The following PCSK5 variants were observed in gnomAD, a reference collection of about 807,000 sequenced individuals.
PCSK5 encodes the protein prohormone convertase 5.
In PCSK5, 129 loss-of-function variants were observed where a neutral mutation model predicts 233.2. The observed-to-expected ratio is 0.55, with a 90% CI of 0.48 to 0.64. The LOEUF is 0.64. PCSK5 is among the 30% of genes least tolerant of loss of function. The probability of loss-of-function intolerance (pLI) is 0.00; values close to 1 mark genes in which losing one functional copy is unlikely to be tolerated. For missense variants in PCSK5, 2,076 were observed against 2,430.1 expected, an observed-to-expected ratio of 0.85 and a Z score of 3.06; for synonymous variants, 825 against 879.2, an observed-to-expected ratio of 0.94 and a Z score of 1.09.
At chr9:76,291,309 A>G (rs879667438) in intron 24 of PCSK5, among the ~76,000 whole-genome samples, 1 of 152,254 alleles carries the variant, frequency 6.6e-6, no homozygotes, top group Non-Finnish European at 1.5e-5. Flanking sequence ...AAGGAAAGCT[A>G]TGCACAAAGT....
intron 24 of PCSK5, among the ~76,000 whole-genome samples, chr9:76,242,090 T>G (rs2131331838): frequency 6.6e-6 from 1 of 152,342 alleles, no homozygotes; most frequent in African/African-American, 2.4e-5. Context: ...TCTTAATTTT[T>G]TTCTTACTAA....
intron 12 of PCSK5, among the ~76,000 whole-genome samples, chr9:76,164,553 G>T (rs1226228512): frequency 1.3e-5 from 2 of 152,014 alleles, no homozygotes; most frequent in Non-Finnish European, 2.9e-5. Context: ...CAGTTGGCTG[G>T]GTCCCTCTCC....
chr9:76,025,499 A>G (rs1828384653), intron 4 of PCSK5, among the ~76,000 whole-genome samples: 1 of 152,146 alleles, frequency 6.6e-6, no homozygotes, highest in South Asian at 2.1e-4. Context: ...ATAACACCAC[A>G]TTATTCCAGG....
intron 20 of PCSK5, chr9:76,194,765 C>CTGA: frequency 2.1e-6 from 1 of 466,926 alleles, no homozygotes; most frequent in South Asian, 1.6e-5. Flanking sequence ...GGAGCCTAGA[C>CTGA]TGATATCAAG....
chr9:76,282,668 G>T (rs1286560125), intron 24 of PCSK5, among the ~76,000 whole-genome samples: 1 of 152,094 alleles, frequency 6.6e-6, no homozygotes, highest in African/African-American at 2.4e-5. Flanking sequence ...TACATGTGCA[G>T]ATTTATTACA....
rs941557217 is a variant in PCSK5, at chr9:76,321,402, A to C, written c.3885-20A>C. On this transcript the variant is annotated intron_variant, in intron 30 of 37. Coordinates refer to ENST00000674117, the MANE Select transcript of PCSK5 (RefSeq NM_001372043.1). ...CCAGCAGGTCAGCTTCTCCAGTTGC[A>C]CTCTGTCTTCCTTCCACAGGGGCTC... 8.3e-6 allele frequency: 11 copies of C among 1,330,516 alleles called. No homozygotes were observed. Among genetic ancestry groups the C allele is most frequent in the Non-Finnish European group, 1.2e-5 (11 of 923,380 alleles). The allele number at this position is 1,330,516 out of a possible 1,614,324, so 82.4% of individuals were successfully genotyped here. A position where few individuals can be genotyped will look rare whatever the true frequency, so the allele number is the denominator to read the frequency against.
At chr9:76,201,699 G>A (rs892993121) in intron 20 of PCSK5, among the ~76,000 whole-genome samples, 2 of 152,198 alleles carry the variant, frequency 1.3e-5, no homozygotes, top group African/African-American at 2.4e-5. Context: ...ATTAAAGTTA[G>A]TAACAACCAA....
intron 22 of PCSK5, 91 bp from the exon 23 acceptor site, chr9:76,238,868 A>G: frequency 1.0e-6 from 1 of 969,024 alleles, no homozygotes; most frequent in Non-Finnish European, 1.6e-6. Flanking sequence ...ACTCAGTCGC[A>G]TCTTTTTAAA....
chr9:76,293,871 C>T (rs547902076), intron 25 of PCSK5, among the ~76,000 whole-genome samples: 38 of 152,318 alleles, frequency 2.5e-4, no homozygotes, highest in Non-Finnish European at 4.9e-4. Context: ...AAACATTCAG[C>T]AACTTTGAAT....
At chr9:76,344,882 C>T (rs1183374227) in intron 35 of PCSK5, among the ~76,000 whole-genome samples, 1 of 152,054 alleles carries the variant, frequency 6.6e-6, no homozygotes, top group Non-Finnish European at 1.5e-5. Context: ...TACCGTCAAC[C>T]AATCAAAACA....
At chr9:75,985,410 C>A (rs1264551673) in intron 2 of PCSK5, among the ~76,000 whole-genome samples, 1 of 152,028 alleles carries the variant, frequency 6.6e-6, no homozygotes, top group Non-Finnish European at 1.5e-5. Flanking sequence ...AATTGAGTGG[C>A]TTCTCCAATT....
chr9:76,266,031 C>T (rs953146975), intron 24 of PCSK5, among the ~76,000 whole-genome samples: 2 of 152,106 alleles, frequency 1.3e-5, no homozygotes, highest in African/African-American at 4.8e-5. Context: ...TGTTATTATG[C>T]CTGCCCATTT....
intron 24 of PCSK5, among the ~76,000 whole-genome samples, chr9:76,264,074 T>C (rs1243875714): frequency 1.3e-5 from 2 of 152,162 alleles, no homozygotes; most frequent in African/African-American, 2.4e-5. Context: ...AAAGCTACAG[T>C]AACCAAAACA....
chr9:75,922,985 A>G (rs529340891), intron 1 of PCSK5, among the ~76,000 whole-genome samples: 30 of 152,344 alleles, frequency 2.0e-4, no homozygotes, highest in African/African-American at 7.2e-4. Context: ...TGGCTTTAGA[A>G]TAAACTAATG....
intron 8 of PCSK5, among the ~76,000 whole-genome samples, chr9:76,106,586 T>C (rs1385262364): frequency 6.6e-6 from 1 of 152,232 alleles, no homozygotes; most frequent in Non-Finnish European, 1.5e-5. Context: ...TTCTCTAATA[T>C]ACAAGCTTAC....
chr9:75,927,389 G>A (rs1274459941), intron 1 of PCSK5, among the ~76,000 whole-genome samples: 1 of 152,024 alleles, frequency 6.6e-6, no homozygotes, highest in East Asian at 1.9e-4. Context: ...AAGCCCAAGA[G>A]AACTGACAGG....
intron 8 of PCSK5, among the ~76,000 whole-genome samples, chr9:76,097,071 A>G (rs1321354189): frequency 4.0e-5 from 6 of 150,032 alleles, no homozygotes; most frequent in Admixed American, 1.3e-4. Context: ...AGCTGGGACT[A>G]CAAGCATGTG....
intron 1 of PCSK5, among the ~76,000 whole-genome samples, chr9:75,910,937 G>A (rs1822700033): frequency 6.6e-6 from 1 of 152,146 alleles, no homozygotes; most frequent in Non-Finnish European, 1.5e-5. Flanking sequence ...AAAATGTGAT[G>A]GTCTGAATTT....
chr9:76,237,402 GCCTTCTAGTAGAAAAT>G (rs2131324791), intron 22 of PCSK5, among the ~76,000 whole-genome samples: 1 of 152,244 alleles, frequency 6.6e-6, no homozygotes, highest in Non-Finnish European at 1.5e-5. Context: ...GGAACCAGTA[GCCTTCTAGTAGAAAAT>G]CACAATTAGC....
Sources: gnomAD v4.1 joint callset for allele counts (sites outside exome capture counted in the v4.1 genomes callset) on GRCh38, gnomAD v4.1.1 for gene constraint, MANE v1.5 for transcripts, NCBI Gene and HGNC (gene_info 2026-07-23, HGNC 2026-07-21) for gene names.